Variants in LRRTM3 observed in about 807,000 individuals in gnomAD.
The protein encoded by LRRTM3 is leucine rich repeat transmembrane neuronal 3.
In LRRTM3, 24 loss-of-function variants were observed where a neutral mutation model predicts 44.7. That is an observed-to-expected ratio of 0.54 (90% CI 0.39 to 0.76). LRRTM3 has a LOEUF of 0.76. LRRTM3 is among the 30% of genes least tolerant of loss of function. The probability of loss-of-function intolerance (pLI) is 0.00; values close to 1 mark genes in which losing one functional copy is unlikely to be tolerated. For missense variants in LRRTM3, 587 were observed against 702.2 expected (o/e 0.84, Z 1.85); for synonymous variants, 277 against 278.7 (o/e 0.99, Z 0.06).
intron 2 of LRRTM3, among the ~76,000 whole-genome samples, chr10:66,960,103 A>T (rs973009887): frequency 1.3e-5 from 2 of 152,000 alleles, no homozygotes; most frequent in South Asian, 2.1e-4. Context: ...AGACTCCCTA[A>T]AAATATTTCT....
At chr10:66,963,903 C>T (rs904223577) in intron 2 of LRRTM3, among the ~76,000 whole-genome samples, 14 of 150,772 alleles carry the variant, frequency 9.3e-5, no homozygotes, top group African/African-American at 2.7e-4. Context: ...AGTGCAGTGG[C>T]GCAATCTCGG....
intron 2 of LRRTM3, among the ~76,000 whole-genome samples, chr10:66,977,834 T>C (rs1850135138): frequency 1.3e-5 from 2 of 152,324 alleles, no homozygotes; most frequent in South Asian, 2.1e-4. Flanking sequence ...TCATGCTTTA[T>C]AGCCTCCTAT....
At chr10:67,014,552 A>G (rs1852539667) in intron 2 of LRRTM3, among the ~76,000 whole-genome samples, 1 of 152,126 alleles carries the variant, frequency 6.6e-6, no homozygotes, top group Non-Finnish European at 1.5e-5. Flanking sequence ...GATCTCTTTT[A>G]TTTTGTACTT....
At chr10:67,020,008 C>A (rs1852899758) in intron 2 of LRRTM3, among the ~76,000 whole-genome samples, 1 of 26,984 alleles carries the variant, frequency 3.7e-5, no homozygotes, top group Non-Finnish European at 1.5e-4. Context: ...TGTGTTAATA[C>A]CAATATCAAC....
chr10:67,068,058 G>A (rs1330452712), intron 2 of LRRTM3, among the ~76,000 whole-genome samples: 1 of 152,128 alleles, frequency 6.6e-6, no homozygotes, highest in Non-Finnish European at 1.5e-5. Flanking sequence ...ATAAATGCCG[G>A]GTTCATTGTG....
chr10:67,081,423 C>T (rs1401320887), intron 2 of LRRTM3, among the ~76,000 whole-genome samples: 1 of 152,134 alleles, frequency 6.6e-6, no homozygotes, highest in African/African-American at 2.4e-5. Context: ...TTTTCTCTAG[C>T]ACTAACAACA....
At chr10:66,967,138 C>CA (rs1849468621) in intron 2 of LRRTM3, among the ~76,000 whole-genome samples, 1 of 151,792 alleles carries the variant, frequency 6.6e-6, no homozygotes, top group South Asian at 2.1e-4. Context: ...ATGGTTATAG[C>CA]AAAAAATAGA....
Position 67,098,591 on chromosome 10 carries a change from C to T in LRRTM3, c.*795C>T, listed in dbSNP as rs1309264235. On this transcript the variant is annotated 3_prime_UTR_variant, in exon 3 of 3. Transcript: ENST00000361320. ...TTTTAACATATTTCCGAATGAATGA[C>T]TCATTATTTCATTCTTTTGAGTAAC... The T allele has an allele frequency of 6.6e-6, 1 of 152,174 alleles. No homozygotes were observed. The highest frequency in any genetic ancestry group is 1.5e-5 in the Non-Finnish European group (1 of 67,884). 9.4% of individuals were successfully genotyped at this position (152,174 alleles called of 1,614,324 possible).
At chr10:66,947,798 T>C (rs1488023007) in intron 2 of LRRTM3, among the ~76,000 whole-genome samples, 3 of 152,180 alleles carry the variant, frequency 2.0e-5, no homozygotes. Context: ...GACACTAAGT[T>C]AGGCTGGCCA....
chr10:66,949,470 A>G (rs1848429714), intron 2 of LRRTM3, among the ~76,000 whole-genome samples: 1 of 152,110 alleles, frequency 6.6e-6, no homozygotes, highest in South Asian at 2.1e-4. Flanking sequence ...AGGCAGGAGA[A>G]TTGCTTGAAC....
rs576377960 is a variant in LRRTM3, at chr10:67,101,108, A to G, written c.*3312A>G. On this transcript the variant is annotated 3_prime_UTR_variant, in exon 3 of 3. Coordinates refer to ENST00000361320, the MANE Select transcript of LRRTM3 (RefSeq NM_178011.5). ...CTGTTCAAAAAGTTTAACAAGTCAC[A>G]TATTTCTTAACATACAAGTTCGTTT... Among the ~76,000 whole-genome samples the G allele has an allele frequency of 6.2e-4, 94 of 151,884 alleles. 1 individual carries two copies. The highest frequency in any genetic ancestry group is 2.0e-3 in the African/African-American group (85 of 41,516).
At position 67,056,460 on chromosome 10, in the gene LRRTM3, G is replaced by T. The variant is rs186523453; in HGVS notation, c.1537-41127G>T. ...TTTTGCATTATTTTTCTTCATGAGG[G>T]TCTCTCAAATTGTATAAGCTTCAGG... On this transcript the variant is annotated intron_variant, in intron 2 of 2. Transcript: ENST00000361320. 1.6e-4 allele frequency among the ~76,000 whole-genome samples: 25 copies of T among 152,094 alleles called. No homozygotes were observed. In the East Asian group the frequency reaches 4.5e-3, roughly 27 times the overall value.
At chr10:66,938,246 A>G (rs1847820637) in intron 2 of LRRTM3, among the ~76,000 whole-genome samples, 1 of 152,124 alleles carries the variant, frequency 6.6e-6, no homozygotes, top group Admixed American at 6.6e-5. Context: ...TTCAAAAATT[A>G]TAGCTGACCA....
chr10:66,989,824 T>G (rs578230011), intron 2 of LRRTM3, among the ~76,000 whole-genome samples: 5 of 152,274 alleles, frequency 3.3e-5, no homozygotes, highest in Non-Finnish European at 7.4e-5. Flanking sequence ...ACTTGAGTGC[T>G]TTTATTATCC....
chr10:67,026,397 A>G (rs997508191), intron 2 of LRRTM3, among the ~76,000 whole-genome samples: 6 of 152,048 alleles, frequency 3.9e-5, no homozygotes, highest in Admixed American at 3.9e-4. Flanking sequence ...TTATATTTGT[A>G]AATATAAAAA....
At chr10:67,044,470 A>C (rs1488751552) in intron 2 of LRRTM3, among the ~76,000 whole-genome samples, 1 of 152,062 alleles carries the variant, frequency 6.6e-6, no homozygotes, top group African/African-American at 2.4e-5. Context: ...GATTGTCTAA[A>C]ATTTAAATGC....
chr10:66,953,859 G>A (rs941205708), intron 2 of LRRTM3, among the ~76,000 whole-genome samples: 5 of 152,102 alleles, frequency 3.3e-5, no homozygotes, highest in African/African-American at 1.2e-4. Flanking sequence ...TCAACCAGAA[G>A]AGCTATGTGA....
intron 2 of LRRTM3, among the ~76,000 whole-genome samples, chr10:67,003,202 C>T (rs1185278733): frequency 1.3e-5 from 2 of 152,150 alleles, no homozygotes; most frequent in Non-Finnish European, 1.5e-5. Context: ...ATTATTCAGG[C>T]ACAGTGCCTA....
chr10:67,071,022 C>A lies in LRRTM3; in HGVS notation c.1537-26565C>A, dbSNP rs556016146. On this transcript the variant is annotated intron_variant, in intron 2 of 2. Coordinates refer to ENST00000361320, the MANE Select transcript of LRRTM3 (RefSeq NM_178011.5). ...ATATAATTATTACTTTTAGTATCTT[C>A]CCAGAATTGCTAAACCTAGAAGTTT... is the stretch of plus-strand genomic sequence containing the variant. Among the ~76,000 whole-genome samples, 400 of 152,280 alleles carry A rather than the reference C, an allele frequency of 2.6e-3. 3 individuals are homozygous for A. The highest frequency in any genetic ancestry group is 0.01 in the Middle Eastern group (3 of 294).
Sources: gnomAD v4.1 joint callset for allele counts (sites outside exome capture counted in the v4.1 genomes callset) on GRCh38, gnomAD v4.1.1 for gene constraint, MANE v1.5 for transcripts, NCBI Gene and HGNC (gene_info 2026-07-23, HGNC 2026-07-21) for gene names.